Variants in PCDHGA12 observed in about 807,000 individuals in gnomAD.
PCDHGA12 encodes the protein protocadherin gamma-A12.
PCDHGA12 carries 43 observed loss-of-function variants against 61.1 expected under a neutral mutation model. The observed-to-expected ratio is 0.70, with a 90% CI of 0.55 to 0.91. The LOEUF is 0.91. Among genes scored for constraint, PCDHGA12 ranks in the 40% least tolerant of loss-of-function variants. The probability of loss-of-function intolerance (pLI) is 0.00; values close to 1 mark genes in which losing one functional copy is unlikely to be tolerated. For missense variants in PCDHGA12, 1,236 were observed against 1,227.7 expected (o/e 1.01, Z -0.10); for synonymous variants, 520 against 542.9 (o/e 0.96, Z 0.59).
Position 141,432,951 on chromosome 5 carries a change from G to T in PCDHGA12, c.2192G>T (p.Gly731Val), listed in dbSNP as rs758046420. 1.2e-6 allele frequency: 2 copies of T among 1,614,178 alleles called. No individual in the cohort carries two copies. The highest frequency in any genetic ancestry group is 4.5e-5 in the East Asian group (2 of 44,858). Residue 731 changes from glycine to valine, a missense_variant, in exon 1 of 4, where the codon GGC (glycine) becomes GTC (valine). By Grantham distance (109) the Gly-to-Val change is moderately radical (BLOSUM62 -3). Coordinates refer to ENST00000252085, the MANE Select transcript of PCDHGA12 (RefSeq NM_003735.3). This position sits in a 1 kb window ranked among gnomAD's most constrained non-coding sequence, Gnocchi z 6.0. ...CGCCTGCTGCAGGCTTCAGGAGGCGGCTTGACAGGAGCGCCGGCGTCGCAC... is the reference window on the plus strand; with the variant it reads ...CGCCTGCTGCAGGCTTCAGGAGGCGTCTTGACAGGAGCGCCGGCGTCGCAC... ...KSRLLQASGG[G>V]LTGAPASHFV...
chr5:141,476,507 A>G lies in PCDHGA12; in HGVS notation c.2425-18300A>G. 1 of 1,614,102 alleles carries G rather than the reference A, an allele frequency of 6.2e-7. No individual in the cohort carries two copies. The highest frequency in any genetic ancestry group is 8.5e-7 in the Non-Finnish European group (1 of 1,180,008). On this transcript the variant is annotated intron_variant, in intron 1 of 3. Transcript: ENST00000252085. This position sits in a 1 kb window ranked among gnomAD's most constrained non-coding sequence, Gnocchi z 7.6. Reference sequence around the variant, plus strand: ...AGTGGTGATCCAGGACATCAACGACAACAATCCTGCTTTCCCTACCCAGGA... The same window carrying G: ...AGTGGTGATCCAGGACATCAACGACGACAATCCTGCTTTCCCTACCCAGGA...
At chr5:141,473,228 A>T (rs549587219) in intron 1 of PCDHGA12, among the ~76,000 whole-genome samples, 1 of 152,296 alleles carries the variant, frequency 6.6e-6, no homozygotes, top group African/African-American at 2.4e-5. Context: ...GGGAGATTGG[A>T]TCCACACAAG....
intron 3 of PCDHGA12, among the ~76,000 whole-genome samples, chr5:141,505,956 T>C (rs1177913983): frequency 6.6e-6 from 1 of 152,102 alleles, no homozygotes; most frequent in Non-Finnish European, 1.5e-5. Flanking sequence ...TGAAAGTGGG[T>C]GTAGAAATCC....
At chr5:141,504,429 G>T (rs947508365) in intron 2 of PCDHGA12, among the ~76,000 whole-genome samples, 1 of 152,124 alleles carries the variant, frequency 6.6e-6, no homozygotes, top group Non-Finnish European at 1.5e-5. Context: ...CACTACAACA[G>T]CTGCAGTGTG....
At chr5:141,494,938 G>A in intron 2 of PCDHGA12, 73 bp downstream of exon 2, 1 of 1,611,916 alleles carries the variant, frequency 6.2e-7, no homozygotes, top group South Asian at 1.1e-5. Context: ...AGGAGATGGG[G>A]GAGGGCCCAG....
chr5:141,485,609 G>T lies in PCDHGA12; in HGVS notation c.2425-9198G>T. On this transcript the variant is annotated intron_variant, in intron 1 of 3. Coordinates refer to ENST00000252085, the MANE Select transcript of PCDHGA12 (RefSeq NM_003735.3). The surrounding 1 kb of genome is among the most constrained non-coding windows in gnomAD (Gnocchi z 5.7). ...GCTGGACTTGGAAATTGGGGAGGCA[G>T]CTCCTCCAGGACAGCGTTTCCCGTT... The T allele has an allele frequency of 6.2e-7, 1 of 1,612,256 alleles. No homozygotes were observed. Among genetic ancestry groups the T allele is most frequent in the Non-Finnish European group, 8.5e-7 (1 of 1,178,656 alleles).
chr5:141,442,796 T>G (rs909745554), intron 1 of PCDHGA12, among the ~76,000 whole-genome samples: 16 of 152,326 alleles, frequency 1.1e-4, no homozygotes, highest in African/African-American at 3.8e-4. Context: ...AATTTTACTT[T>G]GATATTCAAA....
chr5:141,484,004 G>C (rs1042457090), intron 1 of PCDHGA12, among the ~76,000 whole-genome samples: 5 of 146,164 alleles, frequency 3.4e-5, no homozygotes, highest in Non-Finnish European at 4.5e-5. Flanking sequence ...AGGTCTGGAT[G>C]AGGGTGGGGG....
In PCDHGA12 at chr5:141,489,873, G is replaced by A. The variant is rs1252665956; in HGVS notation, c.2425-4934G>A. The A allele has an allele frequency of 4.3e-6, 7 of 1,614,224 alleles. No homozygotes were observed. The highest frequency in any genetic ancestry group is 5.9e-6 in the Non-Finnish European group (7 of 1,180,030). On this transcript the variant is annotated intron_variant, in intron 1 of 3. Coordinates refer to ENST00000252085, the MANE Select transcript of PCDHGA12 (RefSeq NM_003735.3). The surrounding 1 kb of genome is among the most constrained non-coding windows in gnomAD (Gnocchi z 4.5). Reference sequence around the variant, plus strand: ...AAGCCCAGGCAAGACATCAGCTGGTGCTTACTGCTGTGGATGGGGGGACCC... The same window carrying A: ...AAGCCCAGGCAAGACATCAGCTGGTACTTACTGCTGTGGATGGGGGGACCC...
chr5:141,469,104 C>T (rs1046234848), intron 1 of PCDHGA12, among the ~76,000 whole-genome samples: 1 of 151,760 alleles, frequency 6.6e-6, no homozygotes, highest in Admixed American at 6.6e-5. Flanking sequence ...AAGCAAGAAC[C>T]TGTCTCTAAA....
chr5:141,476,271 C>T lies in PCDHGA12; in HGVS notation c.2425-18536C>T. Reference sequence around the variant, plus strand: ...GGTTTCGCTGTGGGCAACGTGGTCGCGAACCTTGGTTTGGATCTCGGTAGC... The same window carrying T: ...GGTTTCGCTGTGGGCAACGTGGTCGTGAACCTTGGTTTGGATCTCGGTAGC... On this transcript the variant is annotated intron_variant, in intron 1 of 3. Coordinates refer to ENST00000252085, the MANE Select transcript of PCDHGA12 (RefSeq NM_003735.3). This position sits in a 1 kb window ranked among gnomAD's most constrained non-coding sequence, Gnocchi z 7.6. 4 of 1,613,892 alleles carry T rather than the reference C, an allele frequency of 2.5e-6. No homozygotes were observed. The highest frequency in any genetic ancestry group is 3.4e-6 in the Non-Finnish European group (4 of 1,179,974).
At position 141,487,488 on chromosome 5, in the gene PCDHGA12, G is replaced by A; in HGVS notation, c.2425-7319G>A. ...GATGTGGGAGGCCACTCTCATGGCT[G>A]TACACCCTTGGCTTCTGCACCCACT... On this transcript the variant is annotated intron_variant, in intron 1 of 3. Transcript: ENST00000252085. This position sits in a 1 kb window ranked among gnomAD's most constrained non-coding sequence, Gnocchi z 5.0. The A allele has an allele frequency of 6.2e-7, 1 of 1,614,204 alleles. No homozygotes were observed. The highest frequency in any genetic ancestry group is 8.5e-7 in the Non-Finnish European group (1 of 1,180,038).
rs1049654933 is a variant in PCDHGA12 at position 141,497,808 on chromosome 5, A to G, written c.2483+2943A>G. 2.6e-5 allele frequency among the ~76,000 whole-genome samples: 4 copies of G among 152,282 alleles called. No homozygotes were observed. The East Asian group carries it at 7.7e-4, about 29-fold the overall frequency. Reference sequence around the variant, plus strand: ...ACCTGCTTCAGCTTCCCAAAGTGCTAGAATTACAGGTGTGATCGCCCCCGG... The same window carrying G: ...ACCTGCTTCAGCTTCCCAAAGTGCTGGAATTACAGGTGTGATCGCCCCCGG... On this transcript the variant is annotated intron_variant, in intron 2 of 3. Coordinates refer to ENST00000252085, the MANE Select transcript of PCDHGA12 (RefSeq NM_003735.3).
intron 1 of PCDHGA12, among the ~76,000 whole-genome samples, chr5:141,446,545 C>T (rs903831454): frequency 4.6e-5 from 7 of 151,914 alleles, no homozygotes; most frequent in African/African-American, 1.7e-4. Context: ...GGCCCTATCT[C>T]TGCTCACTGC....
At chr5:141,478,189 C>T (rs774322691) in intron 1 of PCDHGA12, 1 of 1,614,020 alleles carries the variant, frequency 6.2e-7, no homozygotes, top group South Asian at 1.1e-5. Context: ...AAAATCTCAC[C>T]TTTTATCTAC....
rs2099402935 is a variant in PCDHGA12, at chr5:141,476,991, G to A, written c.2425-17816G>A. On this transcript the variant is annotated intron_variant, in intron 1 of 3. Transcript: ENST00000252085. The surrounding 1 kb of genome is among the most constrained non-coding windows in gnomAD (Gnocchi z 7.6). ...GGCAGCCACAACCGCGCCGGCGTGC[G>A]GCAACTATTCGCCTTAGACCTTGTA... 4 of 1,614,094 alleles carry A rather than the reference G, an allele frequency of 2.5e-6. No homozygotes were observed. Among genetic ancestry groups the A allele is most frequent in the Non-Finnish European group, 3.4e-6 (4 of 1,180,056 alleles).
intron 1 of PCDHGA12, among the ~76,000 whole-genome samples, chr5:141,468,946 C>T (rs1437282358): frequency 7.0e-6 from 1 of 141,900 alleles, no homozygotes; most frequent in East Asian, 2.0e-4. Context: ...ATGGGGTAAA[C>T]CTGTGGTTTT....
chr5:141,451,582 T>C (rs1361047985), intron 1 of PCDHGA12, among the ~76,000 whole-genome samples: 1 of 152,012 alleles, frequency 6.6e-6, no homozygotes, highest in Non-Finnish European at 1.5e-5. Flanking sequence ...TAAACCTAAT[T>C]TTGAAAGTGA....
Position 141,432,917 on chromosome 5 carries a change from C to A in PCDHGA12, c.2158C>A (p.His720Asn). 6.2e-7 allele frequency: 1 copy of A among 1,614,166 alleles called. No homozygotes were observed. Among genetic ancestry groups the A allele is most frequent in the South Asian group, 1.1e-5 (1 of 91,086 alleles). The change falls in exon 1 of 4, where the codon CAC becomes AAC. Residue 720 changes from histidine to asparagine, a missense_variant. Physicochemically the swap from His to Asn is moderately conservative, Grantham distance 68. Transcript: ENST00000252085. This position sits in a 1 kb window ranked among gnomAD's most constrained non-coding sequence, Gnocchi z 6.0. ...LLLALRLRRW[H>N]KSRLLQASGG... The stretch of plus-strand genomic sequence containing the variant: ...GCTGGCGCTCAGGCTGCGGCGCTGG[C>A]ACAAGTCACGCCTGCTGCAGGCTTC...
Sources: allele counts gnomAD v4.1 joint callset (sites outside exome capture counted in the v4.1 genomes callset), GRCh38; gene constraint gnomAD v4.1.1; non-coding constraint Gnocchi (gnomAD v3.1); transcripts MANE v1.5; gene names NCBI Gene and HGNC (gene_info 2026-07-23, HGNC 2026-07-21).